OR2A12: variants seen among roughly 807,000 people sequenced by gnomAD.
OR2A12 encodes olfactory receptor 2A12.
For synonymous variants in OR2A12, 153 were observed against 149.3 expected (o/e 1.02, Z -0.18); for missense variants, 380 against 372.5 (o/e 1.02, Z -0.17).
chr7:144,093,289 T>C (rs1003832299), intron 1 of OR2A12, among the ~76,000 whole-genome samples: 13 of 152,144 alleles, frequency 8.5e-5, no homozygotes, highest in Non-Finnish European at 1.5e-5. Flanking sequence ...CTTAGGAAAC[T>C]ATCACATCTA....
At chr7:144,086,717 G>C (rs932528559) in intron 1 of OR2A12, among the ~76,000 whole-genome samples, 174 bp downstream of exon 1, 2 of 152,126 alleles carry the variant, frequency 1.3e-5, no homozygotes, top group African/African-American at 4.8e-5. Context: ...CAACCTTTCC[G>C]CATCTCTGTG....
Position 144,096,095 on chromosome 7 carries a change from C to A in OR2A12, c.*55C>A. 1 of 1,261,808 alleles carries A rather than the reference C, an allele frequency of 7.9e-7. No individual in the cohort carries two copies. 78.2% of individuals were successfully genotyped at this position (1,261,808 alleles called of 1,614,324 possible). On this transcript the variant is annotated 3_prime_UTR_variant, in exon 2 of 2. Transcript: ENST00000641592. ...AGCATGGTTCTCATGACCCTGGGTCCTGAAATTTCCTTTTTAATTCTTTAA... is the reference window on the plus strand; with the variant it reads ...AGCATGGTTCTCATGACCCTGGGTCATGAAATTTCCTTTTTAATTCTTTAA...
chr7:144,093,574 C>T (rs887726173), intron 1 of OR2A12, among the ~76,000 whole-genome samples: 9 of 151,564 alleles, frequency 5.9e-5, no homozygotes, highest in South Asian at 2.1e-4. Flanking sequence ...GTGTGCTGCA[C>T]CCATTAACTC....
At position 144,090,770 on chromosome 7, in the gene OR2A12, G is replaced by A. The variant is rs528720900; in HGVS notation, c.-52+4227G>A. Among the ~76,000 whole-genome samples, 65 of 152,194 alleles carry A rather than the reference G, an allele frequency of 4.3e-4. 1 individual carries two copies. In the South Asian group the frequency reaches 0.012, roughly 28 times the overall value. ...TATCATTAAGCTCCCACATATAAAT[G>A]AGAATATGTGGTATTTGATTTTCTG... On this transcript the variant is annotated intron_variant, in intron 1 of 1. Coordinates refer to ENST00000641592, the MANE Select transcript of OR2A12 (RefSeq NM_001004135.2).
rs754767523 is a variant in OR2A12, at chr7:144,095,262, CTA to C, written c.156_157del (p.Arg53ThrfsTer26). ...ATCCTGGGGCTCATCTACTTGGACT[CTA>C]GACTGCACACACCCATGTATGTCTT... On this transcript the variant is annotated frameshift_variant, in exon 2 of 2. Transcript: ENST00000641592. LOFTEE classifies it low-confidence loss of function (END_TRUNC). 1.7e-5 allele frequency: 27 copies of C among 1,613,942 alleles called. No individual in the cohort carries two copies. The highest frequency in any genetic ancestry group is 2.7e-5 in the African/African-American group (2 of 74,872).
At position 144,095,969 on chromosome 7, in the gene OR2A12, A is replaced by G. The variant is rs2051261995; in HGVS notation, c.862A>G (p.Ile288Val). 6.2e-7 allele frequency: 1 copy of G among 1,613,922 alleles called. No individual in the cohort carries two copies. Among genetic ancestry groups the G allele is most frequent in the Non-Finnish European group, 8.5e-7 (1 of 1,179,986 alleles). ...TTTCAACCCGATCCTGAACCCCCTC[A>G]TCTACAGCCTTAGGAATGCAGAGGT... is the stretch of plus-strand genomic sequence containing the variant. ...SLFNPILNPL[I>V]YSLRNAEVKG... Residue 288 changes from isoleucine to valine, a missense_variant, in exon 2 of 2, where the codon ATC (isoleucine) becomes GTC (valine). Physicochemically the swap from Ile to Val is conservative, Grantham distance 29. Coordinates refer to ENST00000641592, the MANE Select transcript of OR2A12 (RefSeq NM_001004135.2).
At position 144,098,291 on chromosome 7, in the gene OR2A12, TTTGTC is replaced by T. The variant is rs2051281235; in HGVS notation, c.*2257_*2261del. ...ATACAAGATCGTCGTACACATCAAT[TTTGTC>T]TTGTCATAGCTGTGTCTCTAGTATC... On this transcript the variant is annotated 3_prime_UTR_variant, in exon 2 of 2. Transcript: ENST00000641592. 1 of 152,170 alleles carries T rather than the reference TTTGTC, an allele frequency of 6.6e-6. No individual in the cohort carries two copies. Among genetic ancestry groups the T allele is most frequent in the Non-Finnish European group, 1.5e-5 (1 of 68,020 alleles). 9.4% of individuals were successfully genotyped at this position (152,170 alleles called of 1,614,324 possible). A position where few individuals can be genotyped will look rare whatever the true frequency, so the allele number is the denominator to read the frequency against.
rs752194572 is a variant in OR2A12 at position 144,095,541 on chromosome 7, C to T, written c.434C>T (p.Ser145Leu). The change falls in exon 2 of 2, where the codon TCA (serine) becomes TTA (leucine). Residue 145 changes from serine (S) to leucine (L), a missense_variant. Coordinates refer to ENST00000641592, the MANE Select transcript of OR2A12 (RefSeq NM_001004135.2). ...MNWRVCTVLA[S>L]TCWIFSFLLA... Reference sequence around the variant, plus strand: ...TGGAGAGTGTGCACTGTCCTGGCCTCAACTTGCTGGATATTTAGCTTTCTC... The same window carrying T: ...TGGAGAGTGTGCACTGTCCTGGCCTTAACTTGCTGGATATTTAGCTTTCTC... 6.2e-7 allele frequency: 1 copy of T among 1,614,098 alleles called. No individual in the cohort carries two copies. Among genetic ancestry groups the T allele is most frequent in the Non-Finnish European group, 8.5e-7 (1 of 1,180,008 alleles).
chr7:144,092,739 A>G (rs1294279493), intron 1 of OR2A12, among the ~76,000 whole-genome samples: 1 of 152,074 alleles, frequency 6.6e-6, no homozygotes. Flanking sequence ...TTCTATTTAA[A>G]TTTTGCAGTC....
intron 1 of OR2A12, among the ~76,000 whole-genome samples, chr7:144,094,495 T>C (rs1168201101): frequency 6.6e-6 from 1 of 152,190 alleles, no homozygotes; most frequent in Non-Finnish European, 1.5e-5. Flanking sequence ...ACTTGGAGCA[T>C]ATTATGTTTC....
At chr7:144,090,827 T>C (rs2051222539) in intron 1 of OR2A12, among the ~76,000 whole-genome samples, 1 of 152,220 alleles carries the variant, frequency 6.6e-6, no homozygotes, top group Non-Finnish European at 1.5e-5. Context: ...GATAAAGACC[T>C]TCAGCTCCAT....
Position 144,095,715 on chromosome 7 carries a change from C to T in OR2A12, c.608C>T (p.Ala203Val), listed in dbSNP as rs770301708. ...LNQVVLFAGS[A>V]FILVGPLCLV... ...CAGGTGGTCCTATTTGCGGGTTCTG[C>T]GTTCATCTTAGTGGGGCCGCTCTGC... is the stretch of plus-strand genomic sequence containing the variant. Residue 203 changes from alanine to valine, a missense_variant, in exon 2 of 2, where the codon GCG becomes GTG. By Grantham distance (64) the Ala-to-Val change is moderately conservative. Transcript: ENST00000641592. 2.0e-5 allele frequency: 33 copies of T among 1,613,990 alleles called. No homozygotes were observed. The highest frequency in any genetic ancestry group is 3.3e-4 in the Middle Eastern group (2 of 6,082).
intron 1 of OR2A12, among the ~76,000 whole-genome samples, chr7:144,091,263 T>C (rs1273952854): frequency 1.3e-5 from 2 of 152,190 alleles, no homozygotes; most frequent in African/African-American, 4.8e-5. Flanking sequence ...TGATGGCGTG[T>C]GCCTGTAATC....
At chr7:144,089,325 TGTGTGCGCGTGTGTGCGTGTGC>T (rs1467748434) in intron 1 of OR2A12, among the ~76,000 whole-genome samples, 1 of 151,942 alleles carries the variant, frequency 6.6e-6, no homozygotes, top group Non-Finnish European at 1.5e-5. Flanking sequence ...CATGTGTGTG[TGTGTGCGCGTGTGTGCGTGTGC>T]GTCTGCGTCT....
chr7:144,090,230 C>T (rs1319740186), intron 1 of OR2A12, among the ~76,000 whole-genome samples: 1 of 151,704 alleles, frequency 6.6e-6, no homozygotes, highest in East Asian at 1.9e-4. Context: ...CCTCTTACTA[C>T]TAGAAAAATT....
rs1303778238 is a variant in OR2A12 at position 144,097,640 on chromosome 7, T to A, written c.*1600T>A. The A allele has an allele frequency of 6.6e-6, 1 of 152,186 alleles. No individual in the cohort carries two copies. The highest frequency in any genetic ancestry group is 1.5e-5 in the Non-Finnish European group (1 of 68,032). 9.4% of individuals were successfully genotyped at this position (152,186 alleles called of 1,614,324 possible). A position where few individuals can be genotyped will look rare whatever the true frequency, so the allele number is the denominator to read the frequency against. On this transcript the variant is annotated 3_prime_UTR_variant, in exon 2 of 2. Transcript: ENST00000641592. ...TGCTAATAAACAGAACAGTGTGGTA[T>A]TTATACACAGATAGACCAAAAAACA...
Position 144,096,025 on chromosome 7 carries a change from A to G in OR2A12, c.918A>G (p.Lys306=), listed in dbSNP as rs890188485. 1.3e-6 allele frequency: 2 copies of G among 1,593,462 alleles called. No individual in the cohort carries two copies. The highest frequency in any genetic ancestry group is 1.7e-6 in the Non-Finnish European group (2 of 1,170,732). Reference sequence around the variant, plus strand: ...GGGCTCTAAAGAGAGTCCTTTGGAAACAGAGATCAATGTGAAGAATCATTT... The same window carrying G: ...GGGCTCTAAAGAGAGTCCTTTGGAAGCAGAGATCAATGTGAAGAATCATTT... ...VKGALKRVLW[K]QRSM The change falls in exon 2 of 2, where the codon AAA becomes AAG. Residue 306 remains lysine (K), a synonymous_variant. Coordinates refer to ENST00000641592, the MANE Select transcript of OR2A12 (RefSeq NM_001004135.2).
chr7:144,093,014 C>T (rs1919960), intron 1 of OR2A12, among the ~76,000 whole-genome samples: 32,381 of 151,914 alleles, frequency 0.21, 4,075 homozygotes, highest in African/African-American at 0.34. Context: ...TAGTCATCCA[C>T]GAAAATTGTC....
chr7:144,093,966 A>C (rs2051243868), intron 1 of OR2A12, among the ~76,000 whole-genome samples: 1 of 152,134 alleles, frequency 6.6e-6, no homozygotes, highest in South Asian at 2.1e-4. Flanking sequence ...ACTGGCCATC[A>C]GAGAAATGCA....
Sources: gnomAD v4.1 joint callset for allele counts (sites outside exome capture counted in the v4.1 genomes callset) on GRCh38, gnomAD v4.1.1 for gene constraint, MANE v1.5 for transcripts, NCBI Gene and HGNC (gene_info 2026-07-23, HGNC 2026-07-21) for gene names.